Variants in HHAT observed in about 807,000 individuals in gnomAD.
HHAT encodes protein-cysteine N-palmitoyltransferase HHAT.
HHAT carries 47 observed loss-of-function variants against 70.8 expected under a neutral mutation model. The ratio of observed to expected loss-of-function variants is 0.66; its 90% CI spans 0.53 to 0.85. The LOEUF (loss-of-function observed/expected upper bound fraction) is 0.85. HHAT is among the 40% of genes least tolerant of loss of function. The pLI, the probability that HHAT is intolerant of heterozygous loss-of-function variation, is 0.00. For missense variants in HHAT, 609 were observed against 604.8 expected (o/e 1.01, Z -0.07); for synonymous variants, 228 against 247.6 (o/e 0.92, Z 0.74).
rs539845320 is a variant in HHAT at position 210,639,310 on chromosome 1, A to G, written c.1390+15640A>G. Among the ~76,000 whole-genome samples, 6 of 152,352 alleles carry G rather than the reference A, an allele frequency of 3.9e-5. No individual in the cohort carries two copies. The South Asian group carries it at 1.2e-3, about 32-fold the overall frequency. ...CAAAAAAAAACTTGATTTGCTGCTC[A>G]TCTGCTAAAGTTTAGTCTGTACTAG... On this transcript the variant is annotated intron_variant, in intron 11 of 11. Coordinates refer to ENST00000261458, the MANE Select transcript of HHAT (RefSeq NM_018194.6).
intron 6 of HHAT, among the ~76,000 whole-genome samples, chr1:210,416,637 G>A (rs947397015): frequency 6.6e-6 from 1 of 152,178 alleles, no homozygotes; most frequent in Non-Finnish European, 1.5e-5. Flanking sequence ...TTTCATCTGT[G>A]TTGTCCACTG....
intron 11 of HHAT, among the ~76,000 whole-genome samples, chr1:210,664,591 C>T (rs565822485): frequency 1.2e-4 from 18 of 152,250 alleles, no homozygotes; most frequent in Non-Finnish European, 2.2e-4. Context: ...CTCCAGTGGC[C>T]TCAAAATAGA....
At chr1:210,396,402 C>CTT (rs1456447034) in intron 4 of HHAT, among the ~76,000 whole-genome samples, 1 of 152,200 alleles carries the variant, frequency 6.6e-6, no homozygotes, top group African/African-American at 2.4e-5. Context: ...TCATTACACA[C>CTT]TTACCAGAAT....
chr1:210,522,383 T>C (rs953500583), intron 9 of HHAT, among the ~76,000 whole-genome samples: 25 of 152,230 alleles, frequency 1.6e-4, no homozygotes, highest in Non-Finnish European at 2.9e-4. Flanking sequence ...GGTGTTCTTG[T>C]ACTAAAGTGT....
chr1:210,422,389 T>C (rs2092929753), intron 7 of HHAT, among the ~76,000 whole-genome samples: 1 of 152,232 alleles, frequency 6.6e-6, no homozygotes, highest in Admixed American at 6.5e-5. Flanking sequence ...TAATTTTGTA[T>C]CTTTTAACAA....
At chr1:210,635,179 G>GC (rs1671641716) in intron 11 of HHAT, among the ~76,000 whole-genome samples, 1 of 109,150 alleles carries the variant, frequency 9.2e-6, no homozygotes, top group South Asian at 2.7e-4. Flanking sequence ...GGATGAGTAA[G>GC]TCCAGACTCG....
At chr1:210,586,433 C>T (rs1489123957) in intron 9 of HHAT, among the ~76,000 whole-genome samples, 1 of 152,108 alleles carries the variant, frequency 6.6e-6, no homozygotes, top group African/African-American at 2.4e-5. Context: ...TCTAGAGATG[C>T]TATCTCTAAA....
At chr1:210,337,816 A>G (rs1252966570) in intron 1 of HHAT, among the ~76,000 whole-genome samples, 1 of 149,942 alleles carries the variant, frequency 6.7e-6, no homozygotes, top group Non-Finnish European at 1.5e-5. Flanking sequence ...GGACACTTCT[A>G]GGGGACCCAT....
chr1:210,402,525 G>C (rs543831165), intron 5 of HHAT, among the ~76,000 whole-genome samples: 17 of 152,266 alleles, frequency 1.1e-4, no homozygotes, highest in African/African-American at 4.1e-4. Context: ...AGTCTCTAAA[G>C]GTAAGAAATA....
intron 11 of HHAT, among the ~76,000 whole-genome samples, chr1:210,652,935 C>T (rs1489664270): frequency 3.3e-5 from 5 of 152,276 alleles, no homozygotes; most frequent in South Asian, 2.1e-4. Context: ...AAAAGTGACC[C>T]GGCAGTTCCA....
intron 11 of HHAT, among the ~76,000 whole-genome samples, chr1:210,657,176 C>T (rs1052367913): frequency 2.0e-5 from 3 of 152,212 alleles, no homozygotes; most frequent in Non-Finnish European, 4.4e-5. Context: ...GAAATGGCTC[C>T]ACAGCCACCT....
chr1:210,405,154 G>T (rs1004361384), intron 6 of HHAT, among the ~76,000 whole-genome samples: 1 of 152,182 alleles, frequency 6.6e-6, no homozygotes, highest in Non-Finnish European at 1.5e-5. Context: ...GGTGACCTAG[G>T]TGTGAAAACA....
intron 11 of HHAT, among the ~76,000 whole-genome samples, chr1:210,641,163 G>A (rs1672902278): frequency 6.6e-6 from 1 of 152,150 alleles, no homozygotes; most frequent in Non-Finnish European, 1.5e-5. Flanking sequence ...TGTGTTTTCG[G>A]GAAGAATTGA....
intron 7 of HHAT, among the ~76,000 whole-genome samples, chr1:210,448,080 T>A (rs1228832447): frequency 9.5e-6 from 1 of 104,836 alleles, no homozygotes; most frequent in Non-Finnish European, 2.0e-5. Context: ...GGTTAGAGGT[T>A]CTTTTTTTTT....
chr1:210,584,624 G>A (rs112828862), intron 9 of HHAT, among the ~76,000 whole-genome samples: 2,142 of 152,158 alleles, frequency 0.014, 52 homozygotes, highest in African/African-American at 0.049. Flanking sequence ...CCAACCCCTC[G>A]TTTGTGTCCT....
chr1:210,514,297 C>T (rs1473363206), intron 9 of HHAT, among the ~76,000 whole-genome samples: 1 of 152,182 alleles, frequency 6.6e-6, no homozygotes, highest in Non-Finnish European at 1.5e-5. Flanking sequence ...TCCTGGCTTT[C>T]TCCAGGATCC....
chr1:210,570,282 C>T (rs1180869203), intron 9 of HHAT, among the ~76,000 whole-genome samples: 1 of 152,142 alleles, frequency 6.6e-6, no homozygotes, highest in Non-Finnish European at 1.5e-5. Context: ...CGGTCCTTTG[C>T]CAAGTCCCAT....
chr1:210,439,908 T>C (rs543566582), intron 7 of HHAT, among the ~76,000 whole-genome samples: 17 of 151,896 alleles, frequency 1.1e-4, no homozygotes, highest in Non-Finnish European at 2.2e-4. Context: ...CTTTGTAGAT[T>C]GGTAGCCCAG....
At chr1:210,644,727 TTATGGTA>T (rs1673688297) in intron 11 of HHAT, among the ~76,000 whole-genome samples, 1 of 152,122 alleles carries the variant, frequency 6.6e-6, no homozygotes. Flanking sequence ...TTTTGGAAAT[TTATGGTA>T]TACATTGGCA....
Sources: gnomAD v4.1 joint callset for allele counts (sites outside exome capture counted in the v4.1 genomes callset) on GRCh38, gnomAD v4.1.1 for gene constraint, MANE v1.5 for transcripts, NCBI Gene and HGNC (gene_info 2026-07-23, HGNC 2026-07-21) for gene names.